Variants in LYN observed in about 807,000 individuals in gnomAD.
The protein encoded by LYN is LYN proto-oncogene, Src family tyrosine kinase, also known as tyrosine-protein kinase Lyn.
A neutral mutation model predicts 65.0 loss-of-function variants in LYN; 12 were observed. The ratio of observed to expected loss-of-function variants is 0.18; its 90% confidence interval spans 0.12 to 0.30. The LOEUF (loss-of-function observed/expected upper bound fraction) is 0.30, where lower values mean the gene tolerates loss of function less well. Among genes scored for constraint, LYN ranks in the 10% least tolerant of loss-of-function variants. The pLI is 1.00. For missense variants in LYN, 380 were observed against 623.2 expected, an observed-to-expected ratio of 0.61 and a Z score of 4.16; for synonymous variants, 222 against 221.2, an observed-to-expected ratio of 1.00 and a Z score of -0.03.
At chr8:55,912,329 A>G (rs1446332372) in intron 1 of LYN, among the ~76,000 whole-genome samples, 1 of 152,232 alleles carries the variant, frequency 6.6e-6, no homozygotes, top group East Asian at 1.9e-4. Flanking sequence ...CAAGGAAAGA[A>G]ATCAGGCTTG....
chr8:55,954,460 C>T (rs183951979), intron 8 of LYN, among the ~76,000 whole-genome samples: 4 of 152,336 alleles, frequency 2.6e-5, no homozygotes, highest in Admixed American at 2.0e-4. Context: ...TAAGTATTGC[C>T]TTCTCAGGCT....
intron 1 of LYN, among the ~76,000 whole-genome samples, chr8:55,912,291 A>C (rs2130412890): frequency 6.6e-6 from 1 of 152,352 alleles, no homozygotes; most frequent in Non-Finnish European, 1.5e-5. Flanking sequence ...TTTCGTAATG[A>C]AGTGGTTATT....
At chr8:55,976,364 A>G (rs1353198393) in intron 10 of LYN, among the ~76,000 whole-genome samples, 1 of 151,578 alleles carries the variant, frequency 6.6e-6, no homozygotes, top group East Asian at 1.9e-4. Context: ...AAGGAAGGAA[A>G]GAAAGAAAGC....
chr8:56,013,094 T>C lies in LYN; in HGVS notation c.*2984T>C, dbSNP rs1427877501. ...TGTCCAAGCCCCCTTCTAGGGGAAA[T>C]TCACTGCCACAGAAGCCAGCAGCCC... On this transcript the variant is annotated 3_prime_UTR_variant, in exon 13 of 13. Transcript: ENST00000519728. 2 of 152,224 alleles carry C rather than the reference T, an allele frequency of 1.3e-5. No homozygotes were observed. Among genetic ancestry groups the C allele is most frequent in the African/African-American group, 4.8e-5 (2 of 41,432 alleles). The allele number at this position is 152,224 out of a possible 1,614,324, so 9.4% of individuals were successfully genotyped here. A position where few individuals can be genotyped will look rare whatever the true frequency, so the allele number is the denominator to read the frequency against.
At position 55,950,440 on chromosome 8, in the gene LYN, A is replaced by T. The variant is rs1178412977; in HGVS notation, c.285-19A>T. The T allele has an allele frequency of 1.3e-6, 2 of 1,538,050 alleles. No individual in the cohort carries two copies. The highest frequency in any genetic ancestry group is 4.5e-5 in the East Asian group (2 of 44,524). ...TATGTAATCTTTTAGCTTCTTTTTG[A>T]TGTGTATTTCTATTCTAGGCATGGA... On this transcript the variant is annotated intron_variant, in intron 4 of 12. Coordinates refer to ENST00000519728, the MANE Select transcript of LYN (RefSeq NM_002350.4).
chr8:55,926,966 A>G (rs1014537790), intron 1 of LYN, among the ~76,000 whole-genome samples: 9 of 152,250 alleles, frequency 5.9e-5, no homozygotes, highest in Non-Finnish European at 2.9e-5. Context: ...GAAATTACAG[A>G]TAATTGCCAT....
chr8:55,901,099 G>C (rs1344724531), intron 1 of LYN, among the ~76,000 whole-genome samples: 6 of 152,090 alleles, frequency 3.9e-5, no homozygotes. Context: ...CAGTGCTTTT[G>C]CTCAGCACTT....
intron 1 of LYN, among the ~76,000 whole-genome samples, chr8:55,921,074 T>C (rs866997040): frequency 4.9e-4 from 74 of 152,358 alleles, no homozygotes; most frequent in African/African-American, 1.6e-3. Context: ...GGGGACATTT[T>C]GTTTGTTTTC....
At chr8:55,980,966 C>T (rs550888884) in intron 10 of LYN, among the ~76,000 whole-genome samples, 9 of 152,328 alleles carry the variant, frequency 5.9e-5, no homozygotes, top group South Asian at 4.1e-4. Flanking sequence ...TGGCCACCCC[C>T]GTGCTGTTCT....
chr8:55,935,412 G>A (rs1806400277), intron 1 of LYN, among the ~76,000 whole-genome samples: 1 of 152,054 alleles, frequency 6.6e-6, no homozygotes, highest in Non-Finnish European at 1.5e-5. Flanking sequence ...TGGTATGTAA[G>A]GCAAAAAATC....
At chr8:55,976,924 G>C (rs1314998421) in intron 10 of LYN, among the ~76,000 whole-genome samples, 3 of 152,026 alleles carry the variant, frequency 2.0e-5, no homozygotes, top group Non-Finnish European at 2.9e-5. Context: ...GTGGCTCATG[G>C]CTGTAATCCC....
chr8:56,013,591 TC>T lies in LYN; in HGVS notation c.*3485del, dbSNP rs1808874648. 1 of 152,134 alleles carries T rather than the reference TC, an allele frequency of 6.6e-6. No homozygotes were observed. Among genetic ancestry groups the T allele is most frequent in the South Asian group, 2.1e-4 (1 of 4,822 alleles). 9.4% of individuals were successfully genotyped at this position (152,134 alleles called of 1,614,324 possible). On this transcript the variant is annotated 3_prime_UTR_variant, in exon 13 of 13. Transcript: ENST00000519728. ...CGGTCGGGGTCTGCTTTCTCTTTAT[TC>T]CCCGTCCTCTCACAAACTACATCCA...
At chr8:55,987,756 A>C (rs1275243186) in intron 10 of LYN, among the ~76,000 whole-genome samples, 1 of 152,196 alleles carries the variant, frequency 6.6e-6, no homozygotes, top group African/African-American at 2.4e-5. Flanking sequence ...ATGTGGATGA[A>C]TGCTTAAGAG....
At chr8:55,937,794 C>T (rs1806478122) in intron 1 of LYN, among the ~76,000 whole-genome samples, 1 of 152,160 alleles carries the variant, frequency 6.6e-6, no homozygotes. Context: ...CTCCCAGGCT[C>T]AAGGGATTCT....
chr8:55,987,299 T>C (rs1463398301), intron 10 of LYN, among the ~76,000 whole-genome samples: 2 of 149,880 alleles, frequency 1.3e-5, no homozygotes, highest in Admixed American at 6.7e-5. Context: ...TCCCAGCTAC[T>C]GGGGAGGCTG....
chr8:55,935,042 G>C (rs1405353470), intron 1 of LYN, among the ~76,000 whole-genome samples: 2 of 152,086 alleles, frequency 1.3e-5, no homozygotes, highest in African/African-American at 2.4e-5. Flanking sequence ...AGCTCCACGG[G>C]CCATGGTCAT....
intron 10 of LYN, 134 bp downstream of exon 10, chr8:55,969,927 A>T: frequency 1.4e-6 from 1 of 734,750 alleles, no homozygotes; most frequent in South Asian, 1.5e-5. Flanking sequence ...TGAGAAAAAG[A>T]CCTTCCACAA....
intron 1 of LYN, among the ~76,000 whole-genome samples, chr8:55,911,401 C>T (rs1163508320): frequency 1.4e-5 from 2 of 145,088 alleles, no homozygotes; most frequent in Non-Finnish European, 3.0e-5. Context: ...GGATTACGGG[C>T]GTGAGCCACC....
intron 8 of LYN, among the ~76,000 whole-genome samples, chr8:55,956,546 T>G (rs1471437499): frequency 9.9e-5 from 15 of 152,184 alleles, no homozygotes; most frequent in Non-Finnish European, 2.2e-4. Context: ...TTTACTCCCT[T>G]TTGTAGTAAA....
Sources: gnomAD v4.1 joint callset for allele counts (sites outside exome capture counted in the v4.1 genomes callset) on GRCh38, gnomAD v4.1.1 for gene constraint, MANE v1.5 for transcripts, NCBI Gene and HGNC (gene_info 2026-07-23, HGNC 2026-07-21) for gene names.